Variants in PCDH19 observed in about 807,000 individuals in gnomAD.
PCDH19 encodes the protein protocadherin 19.
PCDH19 carries 6 observed loss-of-function variants against 46.2 expected under a neutral mutation model. The ratio of observed to expected loss-of-function variants is 0.13; its 90% CI spans 0.07 to 0.26. The LOEUF is 0.26. Ranked by LOEUF, PCDH19 falls within the 10% of genes least tolerant of loss-of-function variation. PCDH19 has a pLI of 1.00. For synonymous variants in PCDH19, 481 were observed against 415.7 expected (o/e 1.16, Z -1.91); for missense variants, 740 against 972.3 (o/e 0.76, Z 3.18).
chrX:100,368,333 C>CT (rs761202520), intron 3 of PCDH19, among the ~76,000 whole-genome samples: 1 of 111,577 alleles, frequency 9.0e-6, no homozygotes, highest in South Asian at 3.8e-4. Context: ...AGACTGAGCT[C>CT]TTTCCTGCAG....
chrX:100,355,580 G>A (rs770210291), intron 3 of PCDH19, among the ~76,000 whole-genome samples: 7 of 111,694 alleles, frequency 6.3e-5, no homozygotes, highest in Non-Finnish European at 1.1e-4. Flanking sequence ...GAGTTGTAAC[G>A]TTCTGCATAG....
intron 3 of PCDH19, among the ~76,000 whole-genome samples, chrX:100,396,218 C>A (rs1928021877): frequency 8.9e-6 from 1 of 112,335 alleles, no homozygotes; most frequent in Non-Finnish European, 1.9e-5. Flanking sequence ...AATTGAAAGA[C>A]TCCAGCTTTG....
chrX:100,338,021 A>C, intron 5 of PCDH19, among the ~76,000 whole-genome samples: 1 of 111,658 alleles, frequency 9.0e-6, no homozygotes, highest in East Asian at 2.8e-4. Context: ...TAGTGACTAA[A>C]TACCTGACTT....
intron 4 of PCDH19, among the ~76,000 whole-genome samples, chrX:100,350,177 C>T (rs1363148308): frequency 8.9e-5 from 10 of 112,010 alleles, no homozygotes; most frequent in African/African-American, 3.2e-4. Flanking sequence ...ACATGAAAAA[C>T]ATTTTTAAGG....
chrX:100,404,085 C>T (rs1053351649), intron 1 of PCDH19, among the ~76,000 whole-genome samples: 2 of 111,994 alleles, frequency 1.8e-5, no homozygotes, highest in East Asian at 5.6e-4. Context: ...TAAATGAATG[C>T]ATTTCAGGAA....
At chrX:100,333,225 G>GAAAA (rs1569294815) in intron 5 of PCDH19, among the ~76,000 whole-genome samples, 3 of 105,871 alleles carry the variant, frequency 2.8e-5, no homozygotes, top group African/African-American at 1.0e-4. Flanking sequence ...AAGAAAGAAA[G>GAAAA]AAAGAAAGAA....
chrX:100,350,106 TC>T (rs2147492220), intron 4 of PCDH19, among the ~76,000 whole-genome samples: 1 of 112,684 alleles, frequency 8.9e-6, no homozygotes, highest in East Asian at 2.8e-4. Flanking sequence ...CATTAAAATA[TC>T]TTTAAAATGA....
chrX:100,328,707 A>G (rs1364762008), intron 5 of PCDH19, among the ~76,000 whole-genome samples: 2 of 111,952 alleles, frequency 1.8e-5, no homozygotes, highest in African/African-American at 6.5e-5. Flanking sequence ...AGAGTATTAT[A>G]AATTATACCA....
chrX:100,350,136 A>C (rs1926525214), intron 4 of PCDH19, among the ~76,000 whole-genome samples: 1 of 112,491 alleles, frequency 8.9e-6, no homozygotes, highest in Non-Finnish European at 1.9e-5. Flanking sequence ...TTGTTGAAAT[A>C]GCATCAATCT....
chrX:100,406,694 T>C lies in PCDH19; in HGVS notation c.1904A>G (p.Lys635Arg), dbSNP rs1184258751. 3.3e-6 allele frequency: 4 copies of C among 1,211,792 alleles called. No homozygotes were observed. Among genetic ancestry groups the C allele is most frequent in the African/African-American group, 1.7e-5 (1 of 57,800 alleles). Reference sequence around the variant, plus strand: ...CACCACGATAAGCTCATAGGAGGACTTGGAGCTCTCCCCGAAGGTGCGGGT... The same window carrying C: ...CACCACGATAAGCTCATAGGAGGACCTGGAGCTCTCCCCGAAGGTGCGGGT... ...RTTRTFGESS[K>R]SSYELIVVAH... Residue 635 changes from lysine (K) to arginine (R), a missense_variant, in exon 1 of 6, where the codon AAG (lysine) becomes AGG (arginine). Transcript: ENST00000373034.
intron 5 of PCDH19, among the ~76,000 whole-genome samples, chrX:100,310,064 A>G (rs1925085349): frequency 8.9e-6 from 1 of 112,310 alleles, no homozygotes; most frequent in South Asian, 3.7e-4. Flanking sequence ...AATAGATTAA[A>G]AAGATGCCCC....
intron 5 of PCDH19, among the ~76,000 whole-genome samples, chrX:100,322,041 G>A (rs749221335): frequency 4.9e-4 from 54 of 109,558 alleles, no homozygotes; most frequent in African/African-American, 1.4e-3. Flanking sequence ...CACCTGCCTC[G>A]GCCTCCCAAA....
chrX:100,363,856 C>CATGTGTGTGTGTGT (rs57620335), intron 3 of PCDH19, among the ~76,000 whole-genome samples: 4,346 of 88,857 alleles, frequency 0.049, 137 homozygotes, highest in South Asian at 0.087. Flanking sequence ...AATGTGCGTG[C>CATGTGTGTGTGTGT]GTGTGTGTGT....
chrX:100,371,544 A>G (rs1927224592), intron 3 of PCDH19, among the ~76,000 whole-genome samples: 1 of 111,253 alleles, frequency 9.0e-6, no homozygotes, highest in Non-Finnish European at 1.9e-5. Flanking sequence ...GTGGTAAGAA[A>G]TAAAATTAGG....
At chrX:100,350,994 C>T (rs1235897995) in intron 3 of PCDH19, among the ~76,000 whole-genome samples, 1 of 112,835 alleles carries the variant, frequency 8.9e-6, no homozygotes, top group Non-Finnish European at 1.9e-5. Context: ...ACCTACAATC[C>T]TTACAGAAAC....
At chrX:100,363,886 T>TGTGTGTGTGTGTGTGA (rs1207488480) in intron 3 of PCDH19, among the ~76,000 whole-genome samples, 59 of 98,038 alleles carry the variant, frequency 6.0e-4, no homozygotes, top group African/African-American at 2.0e-3. Flanking sequence ...TGTGTGTGTG[T>TGTGTGTGTGTGTGTGA]GAGAGAGAGG....
intron 5 of PCDH19, 73 bp downstream of exon 5, chrX:100,341,830 A>T: frequency 1.1e-6 from 1 of 928,956 alleles, no homozygotes; most frequent in Non-Finnish European, 1.6e-6. Context: ...TAAGCAAAGT[A>T]GTATAGTGTG....
chrX:100,409,367 G>A lies in PCDH19; in HGVS notation c.-770C>T, dbSNP rs1473758272. 1.8e-5 allele frequency: 2 copies of A among 111,984 alleles called. No individual in the cohort carries two copies. Among genetic ancestry groups the A allele is most frequent in the African/African-American group, 6.5e-5 (2 of 30,759 alleles). 9.2% of individuals were successfully genotyped at this position (111,984 alleles called of 1,213,427 possible). ...TGCCAGAGCTTGAGCGCGCTCCCTC[G>A]CGCTAAGGCTGGCTTCGAAGGGCTT... On this transcript the variant is annotated 5_prime_UTR_variant, in exon 1 of 6. Transcript: ENST00000373034.
At chrX:100,391,733 A>G (rs1309412180) in intron 3 of PCDH19, among the ~76,000 whole-genome samples, 1 of 112,317 alleles carries the variant, frequency 8.9e-6, no homozygotes, top group Admixed American at 9.5e-5. Flanking sequence ...AGAATTCTCT[A>G]TGTCTTGGAT....
Sources: allele counts gnomAD v4.1 joint callset (sites outside exome capture counted in the v4.1 genomes callset), GRCh38; gene constraint gnomAD v4.1.1; transcripts MANE v1.5; gene names NCBI Gene and HGNC (gene_info 2026-07-23, HGNC 2026-07-21).